The following TSEN2 variants were observed in gnomAD, a reference collection of about 807,000 sequenced individuals.
TSEN2 encodes tRNA splicing endonuclease subunit 2.
TSEN2 carries 54 observed loss-of-function variants against 59.2 expected under a neutral mutation model. That is an observed-to-expected ratio of 0.91 (90% CI 0.73 to 1.14). TSEN2 has a LOEUF of 1.14. Among genes scored for constraint, TSEN2 ranks in the 50% most tolerant of loss-of-function variants. TSEN2 has a pLI of 0.00. For missense variants in TSEN2, 636 were observed against 576.2 expected (o/e 1.10, Z -1.06); for synonymous variants, 195 against 198.2 (o/e 0.98, Z 0.14).
At chr3:12,525,003 C>T (rs2056967577) in intron 8 of TSEN2, among the ~76,000 whole-genome samples, 1 of 152,032 alleles carries the variant, frequency 6.6e-6, no homozygotes, top group Admixed American at 6.5e-5. Context: ...CTTGACCTCC[C>T]GAAGTGCTGG....
At chr3:12,489,361 C>G (rs1293154330) in intron 1 of TSEN2, among the ~76,000 whole-genome samples, 1 of 152,184 alleles carries the variant, frequency 6.6e-6, no homozygotes, top group African/African-American at 2.4e-5. Flanking sequence ...GACAGGGTCT[C>G]AGTTTTGTCT....
intron 3 of TSEN2, among the ~76,000 whole-genome samples, chr3:12,495,041 G>A (rs1273486897): frequency 6.9e-6 from 1 of 144,184 alleles, no homozygotes; most frequent in Non-Finnish European, 1.5e-5. Context: ...CAGGAGAATC[G>A]CTTGAACCCT....
At chr3:12,485,762 C>T (rs549448702) in intron 1 of TSEN2, among the ~76,000 whole-genome samples, 1 of 152,268 alleles carries the variant, frequency 6.6e-6, no homozygotes, top group South Asian at 2.1e-4. Flanking sequence ...CAATTCCAAA[C>T]CAACCTTTGC....
downstream of TSEN2, chr3:12,539,623 T>G (rs954097776): frequency 8.0e-5 from 13 of 161,862 alleles, no homozygotes; most frequent in African/African-American, 3.1e-4. Flanking sequence ...GCTACCACTT[T>G]ATGCTGTAAA....
intron 6 of TSEN2, among the ~76,000 whole-genome samples, chr3:12,516,298 C>T (rs912586566): frequency 1.2e-4 from 19 of 152,158 alleles, no homozygotes; most frequent in African/African-American, 3.6e-4. Flanking sequence ...TGGCGGCGGG[C>T]GCCTGTAGTC....
chr3:12,528,837 C>A, intron 8 of TSEN2, 51 bp from the exon 9 acceptor site: 1 of 1,598,990 alleles, frequency 6.3e-7, no homozygotes, highest in Non-Finnish European at 8.6e-7. Context: ...TCTTACTCCT[C>A]TCTCATTATT....
intron 8 of TSEN2, among the ~76,000 whole-genome samples, chr3:12,526,274 C>T (rs1043972494): frequency 3.3e-5 from 5 of 152,204 alleles, no homozygotes; most frequent in Admixed American, 3.3e-4. Context: ...CATTCACTCA[C>T]GACTCACTCA....
chr3:12,497,241 G>A (rs2053845350), intron 4 of TSEN2, among the ~76,000 whole-genome samples: 1 of 152,176 alleles, frequency 6.6e-6, no homozygotes, highest in South Asian at 2.1e-4. Context: ...GTGGTCCCTT[G>A]GTGAGATTGT....
chr3:12,482,321 A>G (rs1315302834), upstream of TSEN2, among the ~76,000 whole-genome samples: 2 of 152,080 alleles, frequency 1.3e-5, no homozygotes, highest in Non-Finnish European at 2.9e-5. Context: ...GGGTTTCTCC[A>G]TGTTGGTCAG....
intron 7 of TSEN2, 40 bp from the exon 8 acceptor site, chr3:12,519,019 T>C (rs1490351552): frequency 1.9e-6 from 3 of 1,610,984 alleles, no homozygotes; most frequent in Non-Finnish European, 2.5e-6. Context: ...AGTGAATGCA[T>C]ACATAGTAAT....
chr3:12,503,212 T>C (rs779156964), intron 4 of TSEN2, 50 bp from the exon 5 acceptor site: 1 of 1,612,608 alleles, frequency 6.2e-7, no homozygotes, highest in Non-Finnish European at 8.5e-7. Context: ...TTGTTGTTTT[T>C]TCAATTTTGA....
intron 1 of TSEN2, among the ~76,000 whole-genome samples, chr3:12,487,077 C>T (rs887780304): frequency 7.2e-5 from 11 of 152,162 alleles, no homozygotes; most frequent in Middle Eastern, 3.2e-3. Context: ...TGGATCATGT[C>T]GTAACTATGT....
At chr3:12,492,064 C>T in intron 2 of TSEN2, 72 bp from the exon 3 acceptor site, 2 of 1,303,120 alleles carry the variant, frequency 1.5e-6, no homozygotes, top group East Asian at 2.3e-5. Context: ...TGAGGGATTA[C>T]TGTATATTCT....
At position 12,529,767 on chromosome 3, in the gene TSEN2, C is replaced by T. The variant is rs1334426508; in HGVS notation, c.1142C>T (p.Ser381Phe). The change falls in exon 10 of 12, where the codon TCT becomes TTT. Residue 381 changes from serine to phenylalanine, a missense_variant. Physicochemically the swap from Ser to Phe is radical, Grantham distance 155. Transcript: ENST00000284995. The part of the protein sequence containing the change: ...KGPPFYHASY[S>F]VIIELVDDHF... Reference sequence around the variant, plus strand: ...GCTTTTTCTGTATTTTCCAGTTATTCTGTCATTATCGAGCTAGTTGATGAC... The same window carrying T: ...GCTTTTTCTGTATTTTCCAGTTATTTTGTCATTATCGAGCTAGTTGATGAC... 1 of 1,613,774 alleles carries T rather than the reference C, an allele frequency of 6.2e-7. No homozygotes were observed.
At chr3:12,521,827 C>T (rs908706157) in intron 8 of TSEN2, among the ~76,000 whole-genome samples, 42 of 152,176 alleles carry the variant, frequency 2.8e-4, no homozygotes, top group Non-Finnish European at 5.9e-4. Context: ...CTGGCTAACA[C>T]GGTGAAACCC....
At chr3:12,520,569 C>T (rs781429876) in intron 8 of TSEN2, among the ~76,000 whole-genome samples, 2 of 152,170 alleles carry the variant, frequency 1.3e-5, no homozygotes, top group South Asian at 2.1e-4. Context: ...GCGGGCAGAT[C>T]GCTTGAGGTC....
chr3:12,515,745 G>T (rs917985924), intron 6 of TSEN2, among the ~76,000 whole-genome samples: 2 of 152,120 alleles, frequency 1.3e-5, no homozygotes, highest in Admixed American at 1.3e-4. Flanking sequence ...CCCCCACACA[G>T]TAAAATATAT....
intron 8 of TSEN2, among the ~76,000 whole-genome samples, chr3:12,520,358 A>G (rs147239201): frequency 2.0e-5 from 3 of 152,284 alleles, no homozygotes; most frequent in African/African-American, 7.2e-5. Flanking sequence ...ATTGCCCATA[A>G]TAGTTTCCAG....
chr3:12,537,186 G>A (rs529237488), downstream of TSEN2, among the ~76,000 whole-genome samples: 9 of 151,772 alleles, frequency 5.9e-5, no homozygotes, highest in Non-Finnish European at 8.8e-5. Context: ...TTAAGTGGGA[G>A]GATCACTTGA....
Sources: gnomAD v4.1 joint callset for allele counts (sites outside exome capture counted in the v4.1 genomes callset) on GRCh38, gnomAD v4.1.1 for gene constraint, MANE v1.5 for transcripts, NCBI Gene and HGNC (gene_info 2026-07-23, HGNC 2026-07-21) for gene names.